GRID2: variants seen among roughly 807,000 people sequenced by gnomAD.
GRID2 encodes glutamate receptor ionotropic, delta-2.
A neutral mutation model predicts 114.8 loss-of-function variants in GRID2; 33 were observed. That is an observed-to-expected ratio of 0.29 (90% CI 0.22 to 0.38). GRID2 has a LOEUF of 0.38. GRID2 is among the 10% of genes least tolerant of loss of function. The pLI, the probability that GRID2 is intolerant of heterozygous loss-of-function variation, is 1.00. For missense variants in GRID2, 1,184 were observed against 1,257.7 expected, an observed-to-expected ratio of 0.94 and a Z score of 0.89; for synonymous variants, 505 against 449.9, an observed-to-expected ratio of 1.12 and a Z score of -1.55.
intron 13 of GRID2, among the ~76,000 whole-genome samples, chr4:93,531,272 A>T (rs538076264): frequency 1.3e-5 from 2 of 152,322 alleles, no homozygotes; most frequent in South Asian, 4.1e-4. Flanking sequence ...AGATGGGATC[A>T]GCATTGCTTA....
chr4:93,650,957 G>A (rs1292137842), intron 14 of GRID2, among the ~76,000 whole-genome samples: 2 of 152,086 alleles, frequency 1.3e-5, no homozygotes, highest in Non-Finnish European at 2.9e-5. Flanking sequence ...TCAGTTTACT[G>A]AATGCGAAAT....
chr4:92,409,024 G>C (rs1731168926), intron 1 of GRID2, among the ~76,000 whole-genome samples: 1 of 152,072 alleles, frequency 6.6e-6, no homozygotes, highest in Non-Finnish European at 1.5e-5. Flanking sequence ...GGAGTGGTGA[G>C]AGTGAGCGTA....
chr4:93,798,775 A>C (rs377599401), intron 1 of GRID2, among the ~76,000 whole-genome samples: 31 of 152,184 alleles, frequency 2.0e-4, no homozygotes, highest in African/African-American at 7.2e-4. Context: ...GCCTCTCCCC[A>C]CCCTCAGAAT....
rs537244950 is a variant in GRID2, at chr4:93,222,222, G to A, written c.964-2392G>A. ...AGGAATTTATTTTTTTGTGGAAAAG[G>A]TAGATTTAAAAAAGAATTTAGTATT... On this transcript the variant is annotated intron_variant, in intron 6 of 15. Transcript: ENST00000282020. 2.6e-4 allele frequency among the ~76,000 whole-genome samples: 40 copies of A among 152,120 alleles called. No individual in the cohort carries two copies. The South Asian group carries it at 8.3e-3, about 32-fold the overall frequency.
At chr4:92,791,024 C>T (rs928812144) in intron 2 of GRID2, among the ~76,000 whole-genome samples, 1 of 151,182 alleles carries the variant, frequency 6.6e-6, no homozygotes, top group Non-Finnish European at 1.5e-5. Context: ...CCTTTATGTG[C>T]TTCTTGTGAG....
intron 2 of GRID2, among the ~76,000 whole-genome samples, chr4:93,037,237 A>G (rs1465166578): frequency 1.3e-5 from 2 of 152,164 alleles, no homozygotes; most frequent in Non-Finnish European, 2.9e-5. Context: ...AAATTGTTTT[A>G]AAAATGTTGA....
intron 4 of GRID2, among the ~76,000 whole-genome samples, chr4:93,197,634 T>C (rs1741636203): frequency 6.6e-6 from 1 of 152,168 alleles, no homozygotes; most frequent in Non-Finnish European, 1.5e-5. Flanking sequence ...TTGAGTGATT[T>C]TTGAACACAT....
chr4:92,785,268 A>G (rs1435015748), intron 2 of GRID2, among the ~76,000 whole-genome samples: 1 of 151,462 alleles, frequency 6.6e-6, no homozygotes, highest in Non-Finnish European at 1.5e-5. Flanking sequence ...AATTACCATC[A>G]ACAGCCACAA....
intron 1 of GRID2, among the ~76,000 whole-genome samples, chr4:92,324,113 G>A (rs1397118126): frequency 6.6e-6 from 1 of 151,910 alleles, no homozygotes; most frequent in Non-Finnish European, 1.5e-5. Flanking sequence ...TAATGTAAGA[G>A]GTAACTAACC....
In GRID2 at chr4:92,924,353, A is replaced by T. The variant is rs367766341; in HGVS notation, c.245-160642A>T. Among the ~76,000 whole-genome samples, 4 of 152,196 alleles carry T rather than the reference A, an allele frequency of 2.6e-5. No individual in the cohort carries two copies. The East Asian group carries it at 7.7e-4, about 29-fold the overall frequency. ...AGCATGGCACATGTATACATATGTA[A>T]CTAACCTGCACATTGTGCACATGTA... On this transcript the variant is annotated intron_variant, in intron 2 of 15. Transcript: ENST00000282020.
chr4:92,974,188 C>T (rs572277799), intron 2 of GRID2, among the ~76,000 whole-genome samples: 1 of 152,266 alleles, frequency 6.6e-6, no homozygotes, highest in East Asian at 1.9e-4. Context: ...CAGGAAACAA[C>T]AGATGCTGGA....
chr4:92,627,689 C>T (rs905448067), intron 2 of GRID2, among the ~76,000 whole-genome samples: 2 of 152,110 alleles, frequency 1.3e-5, no homozygotes, highest in African/African-American at 2.4e-5. Context: ...ATGTTTTCTA[C>T]TGTTAAACTA....
intron 2 of GRID2, among the ~76,000 whole-genome samples, chr4:92,973,693 AC>A (rs1481853258): frequency 6.6e-6 from 1 of 152,176 alleles, no homozygotes; most frequent in African/African-American, 2.4e-5. Context: ...TATAAGGTAA[AC>A]TGTGATAATT....
At chr4:92,554,703 T>C (rs912401166) in intron 1 of GRID2, among the ~76,000 whole-genome samples, 1 of 152,208 alleles carries the variant, frequency 6.6e-6, no homozygotes, top group Non-Finnish European at 1.5e-5. Context: ...AAGAGATTAT[T>C]ATGAAAGTAG....
intron 2 of GRID2, among the ~76,000 whole-genome samples, chr4:92,639,489 A>C (rs185694472): frequency 2.0e-5 from 3 of 152,006 alleles, no homozygotes; most frequent in Non-Finnish European, 4.4e-5. Context: ...AGACTTAAAA[A>C]GATCTAGCTT....
chr4:93,553,866 C>T (rs1482430503), intron 13 of GRID2, among the ~76,000 whole-genome samples: 2 of 152,156 alleles, frequency 1.3e-5, no homozygotes, highest in East Asian at 3.9e-4. Flanking sequence ...ATCATGTGTC[C>T]TAATTTTTTG....
intron 1 of GRID2, among the ~76,000 whole-genome samples, chr4:92,498,215 A>C (rs1723491574): frequency 6.6e-6 from 1 of 151,882 alleles, no homozygotes; most frequent in African/African-American, 2.4e-5. Flanking sequence ...ATAAGGTAGC[A>C]CAAGGGGAAT....
At chr4:92,921,013 A>G (rs1045074885) in intron 2 of GRID2, among the ~76,000 whole-genome samples, 3 of 152,140 alleles carry the variant, frequency 2.0e-5, no homozygotes, top group African/African-American at 7.2e-5. Context: ...GTCTTTTCAC[A>G]TAGTCCCATA....
intron 12 of GRID2, among the ~76,000 whole-genome samples, chr4:93,494,723 A>G (rs1265095081): frequency 1.3e-5 from 2 of 151,926 alleles, no homozygotes; most frequent in South Asian, 2.1e-4. Flanking sequence ...CATTTCCACA[A>G]GACTCTAATG....
Sources: gnomAD v4.1 joint callset for allele counts (sites outside exome capture counted in the v4.1 genomes callset) on GRCh38, gnomAD v4.1.1 for gene constraint, MANE v1.5 for transcripts, NCBI Gene and HGNC (gene_info 2026-07-23, HGNC 2026-07-21) for gene names.